Variants in SH3PXD2B observed in about 807,000 individuals in gnomAD.
The protein encoded by SH3PXD2B is SH3 and PX domains 2B.
In SH3PXD2B, 37 loss-of-function variants were observed where a neutral mutation model predicts 73.1. The observed-to-expected ratio is 0.51, with a 90% CI of 0.39 to 0.67. The LOEUF is 0.67. Among genes scored for constraint, SH3PXD2B ranks in the 30% least tolerant of loss-of-function variants. SH3PXD2B has a pLI of 0.00. For synonymous variants in SH3PXD2B, 457 were observed against 480.5 expected (o/e 0.95, Z 0.64); for missense variants, 1,053 against 1,197.8 (o/e 0.88, Z 1.78).
In SH3PXD2B at chr5:172,382,104, G is replaced by T; in HGVS notation, c.333C>A (p.Tyr111Ter). 1 of 1,610,292 alleles carries T rather than the reference G, an allele frequency of 6.2e-7. No homozygotes were observed. Among genetic ancestry groups the T allele is most frequent in the Non-Finnish European group, 8.5e-7 (1 of 1,178,486 alleles). The change falls in exon 5 of 13, where the codon TAC becomes TAA. Residue 111 changes from tyrosine (Y) to a stop codon, truncating the protein, a stop_gained. Transcript: ENST00000311601. LOFTEE classifies it high-confidence loss of function. ...GCAGCACCTCATCACACTGAGAGATGTAGGGGGGCAGCTGGATGAGGGCCT... is the reference window on the plus strand; with the variant it reads ...GCAGCACCTCATCACACTGAGAGATTTAGGGGGGCAGCTGGATGAGGGCCT... ...YCKALIQLPP[Y>*]ISQCDEVLQF...
intron 2 of SH3PXD2B, 22 bp downstream of exon 2, chr5:172,422,394 A>G (rs778962315): frequency 1.9e-6 from 3 of 1,593,208 alleles, no homozygotes; most frequent in Non-Finnish European, 2.6e-6. Flanking sequence ...CCTGCAGCTC[A>G]CCAGAGACCT....
intron 6 of SH3PXD2B, among the ~76,000 whole-genome samples, chr5:172,373,580 GCATCCATC>G (rs10625047): frequency 2.7e-4 from 40 of 147,776 alleles, no homozygotes; most frequent in East Asian, 6.1e-4. Context: ...AATCAATCAA[GCATCCATC>G]CATCCATCCA....
intron 5 of SH3PXD2B, among the ~76,000 whole-genome samples, chr5:172,374,679 T>A (rs939952292): frequency 6.6e-6 from 1 of 152,142 alleles, no homozygotes; most frequent in South Asian, 2.1e-4. Flanking sequence ...AGACTCCATC[T>A]TGGTGGGGGG....
At chr5:172,344,139 A>T (rs988742688) in intron 12 of SH3PXD2B, among the ~76,000 whole-genome samples, 1 of 152,158 alleles carries the variant, frequency 6.6e-6, no homozygotes, top group Non-Finnish European at 1.5e-5. Flanking sequence ...TCCTGAAGAT[A>T]AACAGCCTAG....
intron 9 of SH3PXD2B, among the ~76,000 whole-genome samples, chr5:172,350,883 T>C: frequency 6.6e-6 from 1 of 152,226 alleles, no homozygotes. Flanking sequence ...TGTGCTTTGC[T>C]GCCTCTTCCC....
intron 3 of SH3PXD2B, among the ~76,000 whole-genome samples, chr5:172,395,564 T>C (rs1217933760): frequency 6.6e-6 from 1 of 152,180 alleles, no homozygotes; most frequent in Non-Finnish European, 1.5e-5. Context: ...TCTGGAAATA[T>C]CCAAGACATT....
chr5:172,344,339 G>A (rs1756930242), intron 12 of SH3PXD2B, among the ~76,000 whole-genome samples: 1 of 152,180 alleles, frequency 6.6e-6, no homozygotes, highest in Non-Finnish European at 1.5e-5. Flanking sequence ...TGTAATGCCA[G>A]AACTTTGGGA....
intron 1 of SH3PXD2B, among the ~76,000 whole-genome samples, chr5:172,444,990 C>T (rs1290478942): frequency 6.6e-6 from 1 of 152,214 alleles, no homozygotes; most frequent in African/African-American, 2.4e-5. Flanking sequence ...ATTCAAACCT[C>T]TTCTGCTTTT....
intron 5 of SH3PXD2B, among the ~76,000 whole-genome samples, chr5:172,375,041 G>A (rs1204009151): frequency 6.6e-6 from 1 of 152,164 alleles, no homozygotes; most frequent in Non-Finnish European, 1.5e-5. Context: ...TTAAAAAACT[G>A]AGATATAATT....
intron 9 of SH3PXD2B, among the ~76,000 whole-genome samples, chr5:172,351,763 A>G (rs1232598143): frequency 1.4e-5 from 2 of 146,712 alleles, no homozygotes; most frequent in African/African-American, 5.0e-5. Context: ...ACTAAATAGC[A>G]TTGGGTTTTA....
chr5:172,373,736 G>A (rs962471866), intron 6 of SH3PXD2B, 54 bp downstream of exon 6: 12 of 1,569,674 alleles, frequency 7.6e-6, no homozygotes, highest in Admixed American at 5.3e-5. Flanking sequence ...GTTGGTGCTC[G>A]GCTGGAGTTT....
Position 172,338,636 on chromosome 5 carries a change from G to C in SH3PXD2B, c.2469C>G (p.Ser823Arg). The C allele has an allele frequency of 6.2e-7, 1 of 1,614,166 alleles. No homozygotes were observed. The highest frequency in any genetic ancestry group is 8.5e-7 in the Non-Finnish European group (1 of 1,180,022). ...TCTTGCCGGTCCCCCATGGCCCCAG[G>C]CTGCCTTTGCCTCGCGTGTCATCCT... Reference protein sequence around the residue: ...GGQDDTRGKGSLGPWGTGKIG... With the variant: ...GGQDDTRGKGRLGPWGTGKIG... Residue 823 changes from serine (S) to arginine (R), a missense_variant, in exon 13 of 13, where the codon AGC (serine) becomes AGG (arginine). Coordinates refer to ENST00000311601, the MANE Select transcript of SH3PXD2B (RefSeq NM_001017995.3). The surrounding 1 kb of genome is among the most constrained non-coding windows in gnomAD (Gnocchi z 5.1).
intron 3 of SH3PXD2B, among the ~76,000 whole-genome samples, chr5:172,401,969 C>G (rs2082410): frequency 0.36 from 55,341 of 152,068 alleles, 10,806 homozygotes; most frequent in East Asian, 0.66. Flanking sequence ...GAAAAAAGAA[C>G]AGGATAACAG....
In SH3PXD2B at chr5:172,370,260, C is replaced by G. The variant is rs186641150; in HGVS notation, c.427+3530G>C. Among the ~76,000 whole-genome samples, 234 of 152,316 alleles carry G rather than the reference C, an allele frequency of 1.5e-3. 1 individual carries two copies. The highest frequency in any genetic ancestry group is 5.3e-3 in the African/African-American group (221 of 41,568). On this transcript the variant is annotated intron_variant, in intron 6 of 12. Transcript: ENST00000311601. ...CAGTTAAGTGAAGATCCAGTTAAGT[C>G]AGGTTTACTCTGTCCAAGAAGCTCA...
chr5:172,333,580 T>G lies in SH3PXD2B; in HGVS notation c.*4789A>C. On this transcript the variant is annotated 3_prime_UTR_variant, in exon 13 of 13. Transcript: ENST00000311601. The stretch of plus-strand genomic sequence containing the variant: ...GAAAGAAGTCAAATGGTAAAGTATA[T>G]AGCCTACACATGCTACAGCTAGTTG... 3 of 1,244,870 alleles carry G rather than the reference T, an allele frequency of 2.4e-6. No homozygotes were observed. Among genetic ancestry groups the G allele is most frequent in the Middle Eastern group, 2.2e-4 (1 of 4,448 alleles). 77.1% of individuals were successfully genotyped at this position (1,244,870 alleles called of 1,614,324 possible).
chr5:172,414,101 A>G (rs1369382124), intron 2 of SH3PXD2B, among the ~76,000 whole-genome samples: 1 of 152,196 alleles, frequency 6.6e-6, no homozygotes, highest in Non-Finnish European at 1.5e-5. Flanking sequence ...TTATGGGCAG[A>G]TAGTCTTAAA....
Position 172,336,206 on chromosome 5 carries a change from T to C in SH3PXD2B, c.*2163A>G, listed in dbSNP as rs1031161269. On this transcript the variant is annotated 3_prime_UTR_variant, in exon 13 of 13. Coordinates refer to ENST00000311601, the MANE Select transcript of SH3PXD2B (RefSeq NM_001017995.3). ...GCAAAGAGCAAATCAGAAAAAAACA[T>C]GTGTTTTGTCTTTTGAAATGCAGTC... 2.0e-6 allele frequency: 2 copies of C among 985,338 alleles called. No homozygotes were observed. Among genetic ancestry groups the C allele is most frequent in the African/African-American group, 3.5e-5 (2 of 57,248 alleles). 61.0% of individuals were successfully genotyped at this position (985,338 alleles called of 1,614,324 possible). A position where few individuals can be genotyped will look rare whatever the true frequency, so the allele number is the denominator to read the frequency against.
intron 2 of SH3PXD2B, among the ~76,000 whole-genome samples, chr5:172,417,560 T>C (rs188069435): frequency 1.3e-5 from 2 of 152,314 alleles, no homozygotes; most frequent in East Asian, 3.9e-4. Context: ...CTAAAAGAGT[T>C]CTGATGAAAA....
intron 2 of SH3PXD2B, among the ~76,000 whole-genome samples, chr5:172,418,889 G>C (rs1235746589): frequency 6.6e-6 from 1 of 152,184 alleles, no homozygotes; most frequent in Non-Finnish European, 1.5e-5. Flanking sequence ...AGTCGGAACA[G>C]GAGAGTGGAA....
Sources: gnomAD v4.1 joint callset for allele counts (sites outside exome capture counted in the v4.1 genomes callset) on GRCh38, gnomAD v4.1.1 for gene constraint, Gnocchi (gnomAD v3.1) non-coding constraint, MANE v1.5 for transcripts, NCBI Gene and HGNC (gene_info 2026-07-23, HGNC 2026-07-21) for gene names.